The following SORL1 variants were observed in gnomAD, a reference collection of about 807,000 sequenced individuals.
The protein encoded by SORL1 is sortilin-related receptor.
A neutral mutation model predicts 273.7 loss-of-function variants in SORL1; 127 were observed. That is an observed-to-expected ratio of 0.46 (90% confidence interval 0.40 to 0.54). SORL1 has a LOEUF of 0.54. SORL1 is among the 20% of genes least tolerant of loss of function. The pLI is 0.00. For synonymous variants in SORL1, 1,031 were observed against 1,067.4 expected, an observed-to-expected ratio of 0.97 and a Z score of 0.66; for missense variants, 2,494 against 2,846.1, an observed-to-expected ratio of 0.88 and a Z score of 2.81.
intron 19 of SORL1, 99 bp downstream of exon 19, chr11:121,557,504 T>C (rs1326858985): frequency 1.1e-6 from 1 of 913,708 alleles, no homozygotes; most frequent in Non-Finnish European, 1.8e-6. Flanking sequence ...CTGTTTCTCA[T>C]GATGGTGGTT....
In SORL1 at chr11:121,507,947, G is replaced by A. The variant is rs192780392; in HGVS notation, c.940-5056G>A. 3.0e-3 allele frequency among the ~76,000 whole-genome samples: 463 copies of A among 152,186 alleles called. 1 individual carries two copies. Among genetic ancestry groups the A allele is most frequent in the African/African-American group, 0.011 (439 of 41,518 alleles). On this transcript the variant is annotated intron_variant, in intron 6 of 47. Coordinates refer to ENST00000260197, the MANE Select transcript of SORL1 (RefSeq NM_003105.6). ...TTTTGTGTTGTTGCTGTTTGTTGTT[G>A]CTGTTTTTGTTGTTGTTGTTATTGT...
At chr11:121,613,244 T>C (rs1417857193) in intron 40 of SORL1, among the ~76,000 whole-genome samples, 1 of 152,228 alleles carries the variant, frequency 6.6e-6, no homozygotes, top group Non-Finnish European at 1.5e-5. Flanking sequence ...GCATAACTGG[T>C]GTTCAGTAAA....
chr11:121,537,821 A>G (rs951924018), intron 12 of SORL1, among the ~76,000 whole-genome samples: 20 of 152,154 alleles, frequency 1.3e-4, no homozygotes, highest in African/African-American at 4.3e-4. Context: ...TCCAGCTTCT[A>G]TTCGTGGACT....
In SORL1 at chr11:121,622,288, T is replaced by G; in HGVS notation, c.6171+20T>G. On this transcript the variant is annotated intron_variant, in intron 45 of 47. Transcript: ENST00000260197. Reference sequence around the variant, plus strand: ...AGCAGGGTAAGTTCCTCCCTCATTCTCAATGACTTTGGAAATTTAATTGAA... The same window carrying G: ...AGCAGGGTAAGTTCCTCCCTCATTCGCAATGACTTTGGAAATTTAATTGAA... 7.0e-7 allele frequency: 1 copy of G among 1,433,496 alleles called. No homozygotes were observed. The highest frequency in any genetic ancestry group is 2.3e-5 in the East Asian group (1 of 43,856). 88.8% of individuals were successfully genotyped at this position (1,433,496 alleles called of 1,614,324 possible).
chr11:121,516,425 C>T (rs1304820835), intron 8 of SORL1, among the ~76,000 whole-genome samples: 2 of 152,138 alleles, frequency 1.3e-5, no homozygotes, highest in African/African-American at 2.4e-5. Context: ...GATGGCCACA[C>T]AGGGAGTCAG....
In SORL1 at chr11:121,562,211, C is replaced by T. The variant is rs76604503; in HGVS notation, c.3049+2554C>T. On this transcript the variant is annotated intron_variant, in intron 21 of 47. Coordinates refer to ENST00000260197, the MANE Select transcript of SORL1 (RefSeq NM_003105.6). ...AGCAAGGGCCTGAATATTTCAGTCA[C>T]TGGAGCTGAGAAGCAAGATTCCTTC... is the stretch of plus-strand genomic sequence containing the variant. 0.012 allele frequency among the ~76,000 whole-genome samples: 1,805 copies of T among 152,272 alleles called. 127 individuals are homozygous for T. The East Asian group carries it at 0.21, about 18-fold the overall frequency.
chr11:121,577,148 T>G (rs988904509), intron 24 of SORL1, 133 bp from the exon 25 acceptor site: 3 of 1,263,184 alleles, frequency 2.4e-6, no homozygotes, highest in Non-Finnish European at 3.3e-6. Flanking sequence ...GGTAAAAGTC[T>G]CTTCGTTCAT....
chr11:121,485,600 T>C (rs1237355368), intron 3 of SORL1, among the ~76,000 whole-genome samples: 1 of 152,214 alleles, frequency 6.6e-6, no homozygotes, highest in Non-Finnish European at 1.5e-5. Context: ...ATACATTCTA[T>C]GACGGGGTGC....
Position 121,595,889 on chromosome 11 carries a change from G to C in SORL1, c.4519+117G>C. 1 of 1,122,582 alleles carries C rather than the reference G, an allele frequency of 8.9e-7. No individual in the cohort carries two copies. Among genetic ancestry groups the C allele is most frequent in the Non-Finnish European group, 1.2e-6 (1 of 802,406 alleles). 69.5% of individuals were successfully genotyped at this position (1,122,582 alleles called of 1,614,324 possible). On this transcript the variant is annotated intron_variant, in intron 32 of 47. Transcript: ENST00000260197. The surrounding 1 kb of genome is among the most constrained non-coding windows in gnomAD (Gnocchi z 5.1). ...CCTGTGTGTGAGTCTGTGTACTTGC[G>C]TAACCATGCTCTTACTGCATTCTCC...
chr11:121,521,598 TG>T (rs1862042482), intron 9 of SORL1, among the ~76,000 whole-genome samples: 1 of 152,224 alleles, frequency 6.6e-6, no homozygotes, highest in African/African-American at 2.4e-5. Flanking sequence ...TGGGTAAGTC[TG>T]ATTACCTGAG....
intron 43 of SORL1, among the ~76,000 whole-genome samples, chr11:121,620,227 C>T (rs1863704167): frequency 6.6e-6 from 1 of 152,210 alleles, no homozygotes; most frequent in Non-Finnish European, 1.5e-5. Context: ...CAAACACAGC[C>T]CATTGCCTAT....
intron 22 of SORL1, among the ~76,000 whole-genome samples, chr11:121,569,947 C>T (rs560083858): frequency 6.6e-5 from 10 of 152,188 alleles, no homozygotes; most frequent in Admixed American, 2.0e-4. Context: ...TCTTTTTTTA[C>T]GCTGTCCCTT....
chr11:121,474,445 T>G (rs1468326615), intron 2 of SORL1, among the ~76,000 whole-genome samples: 1 of 152,256 alleles, frequency 6.6e-6, no homozygotes, highest in East Asian at 1.9e-4. Context: ...ATTTTAGCTG[T>G]CATCTGTTTC....
chr11:121,547,593 G>A (rs11218330), intron 14 of SORL1, among the ~76,000 whole-genome samples: 1 of 151,694 alleles, frequency 6.6e-6, no homozygotes, highest in Non-Finnish European at 1.5e-5. Context: ...TTTTATTGTA[G>A]ACCAGTAAAA....
At position 121,522,591 on chromosome 11, in the gene SORL1, C is replaced by G; in HGVS notation, c.1410C>G (p.Ser470=). 6.2e-7 allele frequency: 1 copy of G among 1,613,542 alleles called. No homozygotes were observed. The change falls in exon 10 of 48, where the codon TCC becomes TCG. Residue 470 remains serine (S), a synonymous_variant. Transcript: ENST00000260197. Reference sequence around the variant, plus strand: ...CTGAAACTTTGGTTGTATAGCTTTCCCAGGGCTGTTCCCTTCATCTGGCTC... The same window carrying G: ...CTGAAACTTTGGTTGTATAGCTTTCGCAGGGCTGTTCCCTTCATCTGGCTC... The part of the protein sequence containing the change: ...GYGEKINCEL[S]QGCSLHLAQR...
At position 121,542,390 on chromosome 11, in the gene SORL1, C is replaced by T. The variant is rs562421148; in HGVS notation, c.1686-1158C>T. Among the ~76,000 whole-genome samples, 6 of 152,278 alleles carry T rather than the reference C, an allele frequency of 3.9e-5. No individual in the cohort carries two copies. In the South Asian group the frequency reaches 1.2e-3, roughly 32 times the overall value. On this transcript the variant is annotated intron_variant, in intron 12 of 47. Coordinates refer to ENST00000260197, the MANE Select transcript of SORL1 (RefSeq NM_003105.6). ...TTAGTCATTGCATTTGGCTTTTATACTCCTTTAGTCTTTTAAAATCTATAA... is the reference window on the plus strand; with the variant it reads ...TTAGTCATTGCATTTGGCTTTTATATTCCTTTAGTCTTTTAAAATCTATAA...
At chr11:121,463,546 G>A (rs552977405) in intron 1 of SORL1, among the ~76,000 whole-genome samples, 1 of 152,354 alleles carries the variant, frequency 6.6e-6, no homozygotes, top group Admixed American at 6.5e-5. Flanking sequence ...AAGGGCATAT[G>A]TGTATTTTTC....
At chr11:121,459,863 C>G (rs2134767363) in intron 1 of SORL1, among the ~76,000 whole-genome samples, 1 of 152,332 alleles carries the variant, frequency 6.6e-6, no homozygotes, top group Non-Finnish European at 1.5e-5. Context: ...GGCGTGTGGT[C>G]TTCATCTTTG....
chr11:121,587,906 C>T (rs887039639), intron 27 of SORL1, 114 bp from the exon 28 acceptor site: 1 of 1,284,070 alleles, frequency 7.8e-7, no homozygotes, highest in Admixed American at 2.1e-5. Flanking sequence ...TAAATTGTGG[C>T]TTTTACTGTT....
Sources: gnomAD v4.1 joint callset for allele counts (sites outside exome capture counted in the v4.1 genomes callset) on GRCh38, gnomAD v4.1.1 for gene constraint, Gnocchi (gnomAD v3.1) non-coding constraint, MANE v1.5 for transcripts, NCBI Gene and HGNC (gene_info 2026-07-23, HGNC 2026-07-21) for gene names.